Variants in AMOTL1 observed in about 807,000 individuals in gnomAD.
AMOTL1 encodes angiomotin like 1, also known as angiomotin-like protein 1.
Under a neutral mutation model 102.9 loss-of-function variants are expected in AMOTL1, and 45 were observed. That is an observed-to-expected ratio of 0.44 (90% confidence interval 0.34 to 0.56). AMOTL1 has a LOEUF of 0.56. Ranked by LOEUF, AMOTL1 falls within the 20% of genes least tolerant of loss-of-function variation. The pLI is 0.01. For missense variants in AMOTL1, 1,114 were observed against 1,225.6 expected (o/e 0.91, Z 1.36); for synonymous variants, 481 against 484.7 (o/e 0.99, Z 0.10).
At chr11:94,797,936 G>T (rs1164915407) in intron 2 of AMOTL1, among the ~76,000 whole-genome samples, 1 of 152,114 alleles carries the variant, frequency 6.6e-6, no homozygotes, top group Admixed American at 6.5e-5. Context: ...GACATGATTA[G>T]ATTTCTCTAT....
intron 6 of AMOTL1, among the ~76,000 whole-genome samples, chr11:94,843,078 C>G (rs1157017724): frequency 6.6e-6 from 1 of 152,200 alleles, no homozygotes; most frequent in Non-Finnish European, 1.5e-5. Context: ...CAGCAGAAAG[C>G]TGAAGACCCT....
chr11:94,838,835 A>C (rs1001310307), intron 6 of AMOTL1, among the ~76,000 whole-genome samples: 1 of 152,224 alleles, frequency 6.6e-6, no homozygotes, highest in African/African-American at 2.4e-5. Flanking sequence ...AAATGCAGTA[A>C]AAAATTTTAG....
chr11:94,821,944 G>A (rs1951875633), intron 4 of AMOTL1, 123 bp downstream of exon 4: 5 of 1,261,842 alleles, frequency 4.0e-6, no homozygotes, highest in South Asian at 2.9e-5. Context: ...CCTGTGCAAG[G>A]CTTTAGGGAG....
chr11:94,849,143 T>C (rs1296201027), intron 6 of AMOTL1, among the ~76,000 whole-genome samples: 3 of 152,212 alleles, frequency 2.0e-5, no homozygotes. Context: ...GTTTTGTAAC[T>C]ACCTGTTTTC....
At chr11:94,855,171 G>T (rs1195660016) in intron 8 of AMOTL1, among the ~76,000 whole-genome samples, 2 of 152,224 alleles carry the variant, frequency 1.3e-5, no homozygotes, top group African/African-American at 2.4e-5. Flanking sequence ...TAGTGGTTGT[G>T]GTTGAAACAC....
Position 94,800,144 on chromosome 11 carries a change from G to C in AMOTL1, c.954G>C (p.Lys318Asn). The change falls in exon 3 of 13, where the codon AAG becomes AAC. Residue 318 changes from lysine to asparagine, a missense_variant. By Grantham distance (94) the Lys-to-Asn change is moderately conservative. Coordinates refer to ENST00000433060, the MANE Select transcript of AMOTL1 (RefSeq NM_130847.3). ...CACCTGAGTACCCCTTCAAGACCAA[G>C]CAAATGATGTCCCCAGTCAGCAAGA... ...GPPPEYPFKT[K>N]QMMSPVSKTQ... 1 of 1,613,920 alleles carries C rather than the reference G, an allele frequency of 6.2e-7. No homozygotes were observed.
At position 94,793,049 on chromosome 11, in the gene AMOTL1, T is replaced by C. The variant is rs1162979224; in HGVS notation, c.50-1962T>C. On this transcript the variant is annotated intron_variant, in intron 1 of 12. Transcript: ENST00000433060. ...ACACACACACACAGCCCTACACTCT[T>C]CTTTATACACATATTCATATATATA... Among the ~76,000 whole-genome samples the C allele has an allele frequency of 2.6e-5, 4 of 152,144 alleles. No individual in the cohort carries two copies. The East Asian group carries it at 7.7e-4, about 29-fold the overall frequency.
At chr11:94,814,179 G>A (rs1341216646) in intron 3 of AMOTL1, among the ~76,000 whole-genome samples, 2 of 152,188 alleles carry the variant, frequency 1.3e-5, no homozygotes, top group East Asian at 3.9e-4. Context: ...GAAAACCAAG[G>A]AGAGAGGCTG....
chr11:94,866,898 AGTAG>A (rs1952896427), intron 11 of AMOTL1: 1 of 152,440 alleles, frequency 6.6e-6, no homozygotes, highest in Admixed American at 6.5e-5. Context: ...CTTAGCCAGG[AGTAG>A]GTTTCTTGGG....
chr11:94,742,133 A>G (rs1377504245), intron 3 of AMOTL1, among the ~76,000 whole-genome samples: 1 of 152,258 alleles, frequency 6.6e-6, no homozygotes, highest in African/African-American at 2.4e-5. Flanking sequence ...TGTGTTTCTG[A>G]CAAGTTGCGA....
chr11:94,863,882 G>A (rs949166030), intron 9 of AMOTL1, among the ~76,000 whole-genome samples: 2 of 152,148 alleles, frequency 1.3e-5, no homozygotes, highest in Non-Finnish European at 2.9e-5. Flanking sequence ...TGATCTTCTC[G>A]TGTCTGCCCT....
At chr11:94,787,076 C>T (rs2851581) in intron 1 of AMOTL1, among the ~76,000 whole-genome samples, 147,457 of 152,110 alleles carry the variant, frequency 0.97, 71,587 homozygotes, top group East Asian at 1. Context: ...ACTAAATACA[C>T]AGGCAATTTA....
In AMOTL1 at chr11:94,869,222, A is replaced by G; in HGVS notation, c.2513A>G (p.His838Arg). 6.2e-7 allele frequency: 1 copy of G among 1,602,624 alleles called. No homozygotes were observed. The highest frequency in any genetic ancestry group is 8.5e-7 in the Non-Finnish European group (1 of 1,171,016). Residue 838 changes from histidine to arginine, a missense_variant, in exon 12 of 13, where the codon CAT (histidine) becomes CGT (arginine). Transcript: ENST00000433060. ...GGATTGCTGCTGGGGAAGGAGCACC[A>G]TGAGCATGCCTCTGCCCCACTGCTG... ...SIGLLLGKEH[H>R]EHASAPLLPP...
chr11:94,777,015 A>G (rs1231049288), intron 1 of AMOTL1, among the ~76,000 whole-genome samples: 1 of 152,280 alleles, frequency 6.6e-6, no homozygotes, highest in African/African-American at 2.4e-5. Context: ...AGTGCATATC[A>G]TTAAATTCAT....
At chr11:94,723,313 AG>A in intron 1 of AMOTL1, among the ~76,000 whole-genome samples, 1 of 152,272 alleles carries the variant, frequency 6.6e-6, no homozygotes, top group East Asian at 1.9e-4. Flanking sequence ...AAAGGAAGAA[AG>A]AAATAGGTCT....
At position 94,870,856 on chromosome 11, in the gene AMOTL1, GAAGA is replaced by G; in HGVS notation, c.*66_*69del. 1 of 1,403,786 alleles carries G rather than the reference GAAGA, an allele frequency of 7.1e-7. No individual in the cohort carries two copies. The highest frequency in any genetic ancestry group is 2.5e-5 in the East Asian group (1 of 39,974). 87.0% of individuals were successfully genotyped at this position (1,403,786 alleles called of 1,614,324 possible). On this transcript the variant is annotated 3_prime_UTR_variant, in exon 13 of 13. Coordinates refer to ENST00000433060, the MANE Select transcript of AMOTL1 (RefSeq NM_130847.3). ...ACAAACAAGGAAAGCGGCAGAGAAA[GAAGA>G]AAGACCTAGAAGGTTGTAGATGGGA...
Position 94,821,419 on chromosome 11 carries a change from A to G in AMOTL1, c.1122-111A>G. 4.3e-6 allele frequency: 5 copies of G among 1,155,278 alleles called. No individual in the cohort carries two copies. In the South Asian group the frequency reaches 7.7e-5, roughly 18 times the overall value. The allele number at this position is 1,155,278 out of a possible 1,614,324, so 71.6% of individuals were successfully genotyped here. A position where few individuals can be genotyped will look rare whatever the true frequency, so the allele number is the denominator to read the frequency against. On this transcript the variant is annotated intron_variant, in intron 3 of 12. Transcript: ENST00000433060. ...GTGAATACCTCCCACTGGGAAGTGC[A>G]CTGATGGCCTCTGACCATGGAAGCC...
At chr11:94,709,257 A>G (rs2135425354) in intron 1 of AMOTL1, among the ~76,000 whole-genome samples, 1 of 152,304 alleles carries the variant, frequency 6.6e-6, no homozygotes, top group Non-Finnish European at 1.5e-5. Context: ...AACCATTGCT[A>G]GGTTCTATGA....
intron 1 of AMOTL1, among the ~76,000 whole-genome samples, chr11:94,722,985 G>A (rs191620575): frequency 2.6e-4 from 40 of 152,224 alleles, no homozygotes; most frequent in Admixed American, 5.2e-4. Flanking sequence ...TTGCTCCTCA[G>A]TGTCCTTGGG....
Sources: gnomAD v4.1 joint callset for allele counts (sites outside exome capture counted in the v4.1 genomes callset) on GRCh38, gnomAD v4.1.1 for gene constraint, MANE v1.5 for transcripts, NCBI Gene and HGNC (gene_info 2026-07-23, HGNC 2026-07-21) for gene names.